Variants in ZNF215 observed in about 807,000 individuals in gnomAD.
ZNF215 encodes the protein zinc finger protein 215.
A neutral mutation model predicts 27.2 loss-of-function variants in ZNF215; 24 were observed. The ratio of observed to expected loss-of-function variants is 0.88; its 90% CI spans 0.64 to 1.24. The LOEUF is 1.24. Among genes scored for constraint, ZNF215 ranks in the 50% most tolerant of loss-of-function variants. The probability of loss-of-function intolerance (pLI) is 0.00; values close to 1 mark genes in which losing one functional copy is unlikely to be tolerated. For synonymous variants in ZNF215, 210 were observed against 204.0 expected (o/e 1.03, Z -0.25); for missense variants, 675 against 605.7 (o/e 1.11, Z -1.20).
chr11:6,934,763 A>G (rs1849377863), intron 3 of ZNF215, among the ~76,000 whole-genome samples: 1 of 152,170 alleles, frequency 6.6e-6, no homozygotes, highest in African/African-American at 2.4e-5. Flanking sequence ...AAGGTCCTTG[A>G]CTTTAATCAC....
In ZNF215 at chr11:6,975,785, G is replaced by C. The variant is rs138032362; in HGVS notation, c.806-8344G>C. On this transcript the variant is annotated intron_variant, in intron 5 of 5. Coordinates refer to the ZNF215 transcript ENST00000529903. ...CTTAGGCTGATTCCAAATCTTAGCT[G>C]TTGTGAACAGTGCTGCAACAAGCAC... is the stretch of plus-strand genomic sequence containing the variant. 2.6e-3 allele frequency among the ~76,000 whole-genome samples: 398 copies of C among 152,158 alleles called. 4 individuals are homozygous for C. Among genetic ancestry groups the C allele is most frequent in the African/African-American group, 9.1e-3 (376 of 41,534 alleles).
At chr11:6,953,879 G>C (rs1022978539) in intron 6 of ZNF215, among the ~76,000 whole-genome samples, 1 of 152,080 alleles carries the variant, frequency 6.6e-6, no homozygotes, top group Non-Finnish European at 1.5e-5. Context: ...TCTACTTTTA[G>C]TCTTTGATGA....
chr11:6,947,856 C>T (rs1316932204), intron 6 of ZNF215, among the ~76,000 whole-genome samples: 1 of 152,190 alleles, frequency 6.6e-6, no homozygotes, highest in African/African-American at 2.4e-5. Flanking sequence ...GATGGCACAT[C>T]ACATGGGTGG....
chr11:6,945,847 A>G (rs1391950813), intron 6 of ZNF215, among the ~76,000 whole-genome samples: 2 of 152,214 alleles, frequency 1.3e-5, no homozygotes, highest in African/African-American at 2.4e-5. Flanking sequence ...TTTCACATAT[A>G]TAGGATTTAC....
chr11:6,933,063 C>A (rs143902442), intron 3 of ZNF215, among the ~76,000 whole-genome samples: 1 of 152,286 alleles, frequency 6.6e-6, no homozygotes, highest in Non-Finnish European at 1.5e-5. Flanking sequence ...GTACTGTCTG[C>A]AAAGTCTAAA....
chr11:6,941,316 ATAT>A (rs531772654), intron 3 of ZNF215, among the ~76,000 whole-genome samples: 117 of 152,326 alleles, frequency 7.7e-4, no homozygotes, highest in Admixed American at 1.5e-3. Flanking sequence ...AGGTCTGAAA[ATAT>A]TATTTTGTCC....
downstream of ZNF215, chr11:6,958,136 G>C: frequency 1.1e-6 from 1 of 916,752 alleles, no homozygotes; most frequent in African/African-American, 1.8e-5. Context: ...ATAAACAAGA[G>C]ATAACTTGTA....
chr11:6,949,381 C>G (rs903323096), intron 6 of ZNF215, among the ~76,000 whole-genome samples: 6 of 152,120 alleles, frequency 3.9e-5, no homozygotes, highest in African/African-American at 1.4e-4. Flanking sequence ...TAAAAGTGTT[C>G]CTGTTTCTCC....
chr11:6,953,808 A>G (rs2515946), intron 6 of ZNF215, among the ~76,000 whole-genome samples: 150,027 of 152,178 alleles, frequency 0.99, 73,981 homozygotes, highest in Middle Eastern at 1. Context: ...GAGGAGAGGC[A>G]CTCTGCTCTT....
intron 2 of ZNF215, among the ~76,000 whole-genome samples, chr11:6,929,672 C>G (rs72845397): frequency 1.3e-5 from 2 of 151,922 alleles, no homozygotes; most frequent in East Asian, 1.9e-4. Flanking sequence ...CACATTGTCT[C>G]GAGGCTACAT....
At chr11:6,948,907 A>C (rs1311011126) in intron 6 of ZNF215, among the ~76,000 whole-genome samples, 97 of 78,068 alleles carry the variant, frequency 1.2e-3, no homozygotes, top group African/African-American at 4.9e-3. Context: ...CCCTCCCCCC[A>C]CCCCACAACA....
chr11:6,956,182 C>T lies in ZNF215; in HGVS notation c.1205C>T (p.Thr402Ile), dbSNP rs1259032118. 1.2e-6 allele frequency: 2 copies of T among 1,613,344 alleles called. No individual in the cohort carries two copies. The highest frequency in any genetic ancestry group is 1.7e-6 in the Non-Finnish European group (2 of 1,179,878). ...SSLIRHQIIHTGEKPYKCSEC... is the reference protein window; with the variant it reads ...SSLIRHQIIHIGEKPYKCSEC... Reference sequence around the variant, plus strand: ...CTTATTCGACATCAGATCATTCACACAGGAGAGAAACCCTATAAATGCAGT... The same window carrying T: ...CTTATTCGACATCAGATCATTCACATAGGAGAGAAACCCTATAAATGCAGT... Residue 402 changes from threonine to isoleucine, a missense_variant, in exon 7 of 7, where the codon ACA becomes ATA. Thr to Ile is a moderately conservative substitution (Grantham distance 89, BLOSUM62 -1). Transcript: ENST00000278319.
rs1310351710 is a variant in ZNF215 at position 6,932,582 on chromosome 11, G to A, written c.310G>A (p.Val104Ile). The A allele has an allele frequency of 8.1e-6, 13 of 1,614,206 alleles. No individual in the cohort carries two copies. Among genetic ancestry groups the A allele is most frequent in the Non-Finnish European group, 1.0e-5 (12 of 1,180,036 alleles). ...ATTCCTGGCAATCCTGCCTGAAGAA[G>A]TCAGGACTTGGGTGAATTTACAACA... ...EQFLAILPEE[V>I]RTWVNLQHPN... The change falls in exon 3 of 7, where the codon GTC becomes ATC. Residue 104 changes from valine to isoleucine, a missense_variant. Physicochemically the swap from Val to Ile is conservative, Grantham distance 29. Transcript: ENST00000278319.
rs762715444 is a variant in ZNF215 at position 6,955,701 on chromosome 11, A to T, written c.724A>T (p.Ile242Phe). Residue 242 changes from isoleucine (I) to phenylalanine (F), a missense_variant, in exon 7 of 7, where the codon ATT (isoleucine) becomes TTT (phenylalanine). Coordinates refer to ENST00000278319, the MANE Select transcript of ZNF215 (RefSeq NM_013250.4). ...TTATTTCTCTTTAGACATGAAGAGTATTTCTGGAGAAGAATCATCCCATGG... is the reference window on the plus strand; with the variant it reads ...TTATTTCTCTTTAGACATGAAGAGTTTTTCTGGAGAAGAATCATCCCATGG... ...PRKTIFDMKS[I>F]SGEESSHGVI... is the part of the protein sequence containing the mutation. 2.6e-6 allele frequency: 4 copies of T among 1,555,804 alleles called. No homozygotes were observed. The East Asian group carries it at 9.0e-5, about 35-fold the overall frequency.
Position 6,933,661 on chromosome 11 carries a change from G to T in ZNF215, c.400+989G>T, listed in dbSNP as rs78894035. The stretch of plus-strand genomic sequence containing the variant: ...AAAAAATTAGCCGGGCATGGTGGTG[G>T]GCGGGCACCTGTAGTCCCAGCTACT... On this transcript the variant is annotated intron_variant, in intron 3 of 6. Coordinates refer to ENST00000278319, the MANE Select transcript of ZNF215 (RefSeq NM_013250.4). Among the ~76,000 whole-genome samples the T allele has an allele frequency of 8.1e-3, 1,230 of 152,028 alleles. 18 individuals carry two copies. Among genetic ancestry groups the T allele is most frequent in the African/African-American group, 0.028 (1,173 of 41,492 alleles).
At position 6,956,846 on chromosome 11, in the gene ZNF215, A is replaced by T. The variant is rs964087434; in HGVS notation, c.*315A>T. The T allele has an allele frequency of 4.5e-5, 47 of 1,047,140 alleles. No individual in the cohort carries two copies. Among genetic ancestry groups the T allele is most frequent in the Middle Eastern group, 4.6e-4 (1 of 2,178 alleles). 64.9% of individuals were successfully genotyped at this position (1,047,140 alleles called of 1,614,324 possible). ...CCTAGTTCATAAATAGGTCTATAGC[A>T]TACTAATATCCACCTGATTTATTGA... On this transcript the variant is annotated 3_prime_UTR_variant, in exon 7 of 7. Transcript: ENST00000278319.
At chr11:6,959,470 A>G (rs1300192503), downstream of ZNF215, among the ~76,000 whole-genome samples, 1 of 152,238 alleles carries the variant, frequency 6.6e-6, no homozygotes, top group Non-Finnish European at 1.5e-5. Flanking sequence ...AATTGAAGTA[A>G]CAAGATAAAA....
intron 5 of ZNF215, among the ~76,000 whole-genome samples, chr11:6,974,178 C>T (rs1203200169): frequency 1.3e-5 from 2 of 152,062 alleles, no homozygotes; most frequent in East Asian, 3.8e-4. Context: ...TTGTTTTTGT[C>T]AGGTTTGTCA....
chr11:6,979,746 ATGT>A (rs1448614799), intron 5 of ZNF215, among the ~76,000 whole-genome samples: 9 of 152,080 alleles, frequency 5.9e-5, no homozygotes, highest in Non-Finnish European at 1.3e-4. Flanking sequence ...TTGCTTTTAA[ATGT>A]TATTAACAGA....
Sources: allele counts gnomAD v4.1 joint callset (sites outside exome capture counted in the v4.1 genomes callset), GRCh38; gene constraint gnomAD v4.1.1; transcripts MANE v1.5; gene names NCBI Gene and HGNC (gene_info 2026-07-23, HGNC 2026-07-21).